Variants in EHBP1 observed in about 807,000 individuals in gnomAD.
The protein encoded by EHBP1 is EH domain binding protein 1, also known as EH domain-binding protein 1.
EHBP1 carries 55 observed loss-of-function variants against 144.0 expected under a neutral mutation model. The observed-to-expected ratio is 0.38, with a 90% CI of 0.31 to 0.48. The LOEUF is 0.48. Among genes scored for constraint, EHBP1 ranks in the 20% least tolerant of loss-of-function variants. The pLI is 0.98. For synonymous variants in EHBP1, 469 were observed against 472.7 expected (o/e 0.99, Z 0.10); for missense variants, 1,200 against 1,364.2 (o/e 0.88, Z 1.90).
At position 62,706,909 on chromosome 2, in the gene EHBP1, C is replaced by T; in HGVS notation, c.-283C>T. On this transcript the variant is annotated 5_prime_UTR_variant, in exon 2 of 23. Coordinates refer to ENST00000431489, the MANE Select transcript of EHBP1 (RefSeq NM_001142616.3). ...TTTTGCTTTTCAGCCCTCCAGAATA[C>T]CCATCATATAGCCCCTGAGGTGGCA... 3.0e-6 allele frequency: 1 copy of T among 328,280 alleles called. No individual in the cohort carries two copies. Among genetic ancestry groups the T allele is most frequent in the South Asian group, 4.6e-5 (1 of 21,636 alleles). 20.3% of individuals were successfully genotyped at this position (328,280 alleles called of 1,614,324 possible).
chr2:62,677,263 C>T (rs917400725), intron 1 of EHBP1, among the ~76,000 whole-genome samples: 39 of 152,130 alleles, frequency 2.6e-4, no homozygotes, highest in African/African-American at 9.4e-4. Context: ...TTTCAAAGAC[C>T]CAGGTGAAGT....
At chr2:63,016,903 A>G (rs1281250884) in intron 19 of EHBP1, among the ~76,000 whole-genome samples, 1 of 152,204 alleles carries the variant, frequency 6.6e-6, no homozygotes, top group Non-Finnish European at 1.5e-5. Context: ...CCTGTCCATT[A>G]GGACCCAGGG....
intron 10 of EHBP1, among the ~76,000 whole-genome samples, chr2:62,878,822 A>T (rs1168930110): frequency 2.0e-5 from 3 of 152,224 alleles, no homozygotes; most frequent in Non-Finnish European, 4.4e-5. Context: ...AAGCCTGGCC[A>T]AAATGGAGAA....
At chr2:63,011,142 CAAA>C (rs58109395) in intron 19 of EHBP1, among the ~76,000 whole-genome samples, 3 of 43,874 alleles carry the variant, frequency 6.8e-5, no homozygotes, top group Non-Finnish European at 9.7e-5. Flanking sequence ...CCTCACTTGT[CAAA>C]AAAAAAAAAA....
intron 4 of EHBP1, among the ~76,000 whole-genome samples, chr2:62,766,958 TAAAAAAAAAAAA>T (rs774238457): frequency 9.4e-6 from 1 of 105,836 alleles, no homozygotes; most frequent in African/African-American, 3.6e-5. Context: ...TGTGCTTCAT[TAAAAAAAAAAAA>T]AAAAAAAAAA....
chr2:62,748,908 C>A (rs559203273), intron 3 of EHBP1, among the ~76,000 whole-genome samples: 6 of 152,154 alleles, frequency 3.9e-5, no homozygotes, highest in Admixed American at 3.9e-4. Flanking sequence ...TTTTATAATT[C>A]AGTAAGATTT....
chr2:62,945,697 C>T (rs937676109), intron 12 of EHBP1, among the ~76,000 whole-genome samples: 2 of 152,114 alleles, frequency 1.3e-5, no homozygotes, highest in South Asian at 2.1e-4. Flanking sequence ...CTGCAGTGAG[C>T]TAGCATCATG....
chr2:63,015,677 T>C (rs1027976338), intron 19 of EHBP1, among the ~76,000 whole-genome samples: 1 of 152,158 alleles, frequency 6.6e-6, no homozygotes, highest in Non-Finnish European at 1.5e-5. Flanking sequence ...CATTAATATG[T>C]CTATTTTCAT....
At chr2:62,729,603 TAAA>T (rs1215287214) in intron 2 of EHBP1, among the ~76,000 whole-genome samples, 5 of 131,900 alleles carry the variant, frequency 3.8e-5, no homozygotes, top group African/African-American at 1.4e-4. Flanking sequence ...TATATAATAA[TAAA>T]TATAATAATA....
chr2:62,881,994 C>T (rs1282671350), intron 10 of EHBP1, among the ~76,000 whole-genome samples: 2 of 152,158 alleles, frequency 1.3e-5, no homozygotes, highest in Non-Finnish European at 2.9e-5. Flanking sequence ...CTAGCATTTT[C>T]ATTAATTGTA....
chr2:62,845,696 TAA>T (rs776199283), intron 7 of EHBP1, among the ~76,000 whole-genome samples: 45 of 133,056 alleles, frequency 3.4e-4, no homozygotes, highest in Middle Eastern at 3.7e-3. Context: ...TGGGCTCAAT[TAA>T]AAAAAAAAAA....
At chr2:62,874,867 C>T (rs562175502) in intron 10 of EHBP1, among the ~76,000 whole-genome samples, 101 of 152,190 alleles carry the variant, frequency 6.6e-4, no homozygotes, top group Middle Eastern at 3.4e-3. Context: ...CTGATGGACA[C>T]CCACCCACCG....
intron 1 of EHBP1, among the ~76,000 whole-genome samples, chr2:62,675,692 C>G (rs565309157): frequency 5.9e-5 from 9 of 152,220 alleles, no homozygotes; most frequent in Admixed American, 2.0e-4. Flanking sequence ...AAGGAAGAAC[C>G]CATGGAGAGG....
At chr2:62,767,004 A>G (rs1321031910) in intron 4 of EHBP1, among the ~76,000 whole-genome samples, 1 of 150,062 alleles carries the variant, frequency 6.7e-6, no homozygotes, top group Non-Finnish European at 1.5e-5. Context: ...TGTAAGATCC[A>G]TTACCCTTTC....
At chr2:63,006,006 C>T (rs2153231538) in intron 19 of EHBP1, among the ~76,000 whole-genome samples, 2 of 151,968 alleles carry the variant, frequency 1.3e-5, no homozygotes, top group South Asian at 4.2e-4. Context: ...ATACATTTGA[C>T]TTGTTCTGGA....
chr2:63,031,994 AT>A (rs1358313261), intron 19 of EHBP1, among the ~76,000 whole-genome samples: 3 of 151,984 alleles, frequency 2.0e-5, no homozygotes, highest in East Asian at 1.9e-4. Context: ...TATCAGTTAT[AT>A]TTTTTTCCGT....
chr2:62,955,477 T>A (rs757285127), intron 13 of EHBP1, 40 bp from the exon 14 acceptor site: 1 of 1,282,926 alleles, frequency 7.8e-7, no homozygotes, highest in Admixed American at 2.6e-5. Context: ...AGATTACCCG[T>A]TTTTTTTTTG....
intron 5 of EHBP1, among the ~76,000 whole-genome samples, chr2:62,822,826 G>A (rs897607989): frequency 5.3e-5 from 8 of 152,158 alleles, no homozygotes; most frequent in Admixed American, 4.6e-4. Context: ...AAGTGCTGGT[G>A]CTACAGTCGA....
intron 10 of EHBP1, among the ~76,000 whole-genome samples, chr2:62,934,043 T>C (rs990309341): frequency 2.0e-5 from 3 of 152,224 alleles, no homozygotes; most frequent in Non-Finnish European, 4.4e-5. Flanking sequence ...CATTTTTGCA[T>C]ATGTATTCTA....
Sources: allele counts gnomAD v4.1 joint callset (sites outside exome capture counted in the v4.1 genomes callset), GRCh38; gene constraint gnomAD v4.1.1; transcripts MANE v1.5; gene names NCBI Gene and HGNC (gene_info 2026-07-23, HGNC 2026-07-21).